Variants in SMOC2 observed in about 807,000 individuals in gnomAD.
The protein encoded by SMOC2 is SPARC related modular calcium binding 2.
Under a neutral mutation model 61.4 loss-of-function variants are expected in SMOC2, and 39 were observed. That is an observed-to-expected ratio of 0.64 (90% CI 0.49 to 0.83). SMOC2 has a LOEUF of 0.83. Ranked by LOEUF, SMOC2 falls within the 40% of genes least tolerant of loss-of-function variation. The pLI is 0.00. For missense variants in SMOC2, 556 were observed against 592.9 expected (o/e 0.94, Z 0.65); for synonymous variants, 247 against 239.9 (o/e 1.03, Z -0.27).
intron 4 of SMOC2, among the ~76,000 whole-genome samples, chr6:168,540,338 A>C (rs1052373719): frequency 1.3e-4 from 20 of 152,258 alleles, no homozygotes; most frequent in African/African-American, 4.8e-4. Context: ...GCTCTTCCGG[A>C]GGGGACCTCT....
chr6:168,533,787 G>C (rs1783666292), intron 4 of SMOC2, among the ~76,000 whole-genome samples: 1 of 152,144 alleles, frequency 6.6e-6, no homozygotes, highest in African/African-American at 2.4e-5. Flanking sequence ...TGAAAGAAAT[G>C]TGAAAGAAAT....
At chr6:168,622,253 A>G (rs1370283500) in intron 9 of SMOC2, among the ~76,000 whole-genome samples, 1 of 152,186 alleles carries the variant, frequency 6.6e-6, no homozygotes, top group African/African-American at 2.4e-5. Context: ...GGTGTGAGCC[A>G]CTGCGGCCAG....
chr6:168,664,713 T>A, intron 12 of SMOC2: 1 of 471,092 alleles, frequency 2.1e-6, no homozygotes, highest in Non-Finnish European at 4.4e-6. Flanking sequence ...TTTCTGGCTC[T>A]CCCTCTCAAT....
chr6:168,518,411 G>A lies in SMOC2; in HGVS notation c.257-7935G>A, dbSNP rs1236460255. Among the ~76,000 whole-genome samples the A allele has an allele frequency of 2.0e-5, 3 of 148,938 alleles. No homozygotes were observed. The East Asian group carries it at 5.8e-4, about 29-fold the overall frequency. ...TGTGTGATTGTGTATGCTTGTGTGT[G>A]AATGTGTGCATGAGTGTGCATGTGT... is the stretch of plus-strand genomic sequence containing the variant. On this transcript the variant is annotated intron_variant, in intron 2 of 12. Transcript: ENST00000356284.
intron 7 of SMOC2, among the ~76,000 whole-genome samples, chr6:168,584,392 A>G (rs911834789): frequency 6.6e-6 from 1 of 152,218 alleles, no homozygotes; most frequent in African/African-American, 2.4e-5. Context: ...AAGGCCCACA[A>G]GTGTTCTTAT....
chr6:168,581,731 A>T (rs768280303), intron 7 of SMOC2, among the ~76,000 whole-genome samples: 4 of 152,180 alleles, frequency 2.6e-5, no homozygotes, highest in Non-Finnish European at 5.9e-5. Context: ...GGGATGGGTG[A>T]TGTGAATGAT....
At chr6:168,488,111 G>C (rs1357577323) in intron 1 of SMOC2, among the ~76,000 whole-genome samples, 1 of 152,208 alleles carries the variant, frequency 6.6e-6, no homozygotes, top group Non-Finnish European at 1.5e-5. Flanking sequence ...TGAAACAGCA[G>C]AAACTTATGC....
chr6:168,625,667 G>C (rs963991253), intron 9 of SMOC2, among the ~76,000 whole-genome samples: 1 of 152,132 alleles, frequency 6.6e-6, no homozygotes, highest in Non-Finnish European at 1.5e-5. Context: ...ACGATTCTTC[G>C]AGGGCGTATA....
chr6:168,510,316 A>AT, intron 2 of SMOC2, among the ~76,000 whole-genome samples: 2 of 152,320 alleles, frequency 1.3e-5, no homozygotes, highest in Admixed American at 1.3e-4. Flanking sequence ...CATGAAAGAA[A>AT]TTTATCCAAA....
chr6:168,615,147 G>A (rs865804224), intron 9 of SMOC2, among the ~76,000 whole-genome samples: 1 of 35,322 alleles, frequency 2.8e-5, no homozygotes, highest in African/African-American at 1.2e-4. Context: ...AGCACAGGGG[G>A]CCTCTTCACA....
chr6:168,536,757 G>A (rs764947191), intron 4 of SMOC2, among the ~76,000 whole-genome samples: 28 of 152,110 alleles, frequency 1.8e-4, no homozygotes, highest in African/African-American at 6.3e-4. Context: ...GGGCCGTGCC[G>A]TCCCTGCTCC....
In SMOC2 at chr6:168,549,178, G is replaced by A. The variant is rs1386144424; in HGVS notation, c.612G>A (p.Arg204=). ...PTLWTEQVKS[R]QNKTNKNSVS... ...TTTGGACTGAACAGGTTAAAAGTCG[G>A]CAGAACAAAACCAATAAGAATTCAG... The change falls in exon 7 of 13, where the codon CGG becomes CGA. Residue 204 remains arginine, a synonymous_variant. Transcript: ENST00000356284. 1 of 1,614,104 alleles carries A rather than the reference G, an allele frequency of 6.2e-7. No homozygotes were observed. The highest frequency in any genetic ancestry group is 1.1e-5 in the South Asian group (1 of 91,080).
intron 9 of SMOC2, among the ~76,000 whole-genome samples, chr6:168,611,008 C>T (rs1785846021): frequency 6.6e-6 from 1 of 152,202 alleles, no homozygotes; most frequent in South Asian, 2.1e-4. Context: ...GACAGGTTCA[C>T]CTCACTTTAT....
chr6:168,569,881 C>T (rs1024639678), intron 7 of SMOC2, among the ~76,000 whole-genome samples: 6 of 152,200 alleles, frequency 3.9e-5, no homozygotes, highest in African/African-American at 1.4e-4. Context: ...TCAATGATTT[C>T]TTTCATACAT....
chr6:168,613,090 G>A (rs1424064630), intron 9 of SMOC2, among the ~76,000 whole-genome samples: 1 of 152,152 alleles, frequency 6.6e-6, no homozygotes, highest in African/African-American at 2.4e-5. Context: ...TCTGGGCGTT[G>A]CTTCATTTCA....
At chr6:168,665,443 G>A (rs902959066) in intron 12 of SMOC2, among the ~76,000 whole-genome samples, 10 of 152,254 alleles carry the variant, frequency 6.6e-5, no homozygotes, top group Admixed American at 5.2e-4. Context: ...ACATCTCAAA[G>A]AATAACATAG....
chr6:168,560,624 A>G (rs55849055), intron 7 of SMOC2, among the ~76,000 whole-genome samples: 200 of 968 alleles, frequency 0.21, 16 homozygotes, highest in South Asian at 0.4. Context: ...CTCTCACTGC[A>G]TTCTTGGAGG....
intron 9 of SMOC2, among the ~76,000 whole-genome samples, chr6:168,633,931 G>T (rs1031496511): frequency 1.3e-5 from 2 of 152,176 alleles, no homozygotes; most frequent in African/African-American, 4.8e-5. Flanking sequence ...TCTCATGATA[G>T]TGAGTGAGTT....
At chr6:168,651,314 T>C (rs1562405190) in intron 10 of SMOC2, among the ~76,000 whole-genome samples, 1 of 152,174 alleles carries the variant, frequency 6.6e-6, no homozygotes, top group Non-Finnish European at 1.5e-5. Flanking sequence ...GAGATGTTCC[T>C]TGAGTACCTG....
Sources: allele counts gnomAD v4.1 joint callset (sites outside exome capture counted in the v4.1 genomes callset), GRCh38; gene constraint gnomAD v4.1.1; transcripts MANE v1.5; gene names NCBI Gene and HGNC (gene_info 2026-07-23, HGNC 2026-07-21).